FBXL4: variants seen among roughly 807,000 people sequenced by gnomAD.
The protein encoded by FBXL4 is F-box/LRR-repeat protein 4.
Under a neutral mutation model 58.9 loss-of-function variants are expected in FBXL4, and 40 were observed. The observed-to-expected ratio is 0.68, with a 90% confidence interval of 0.53 to 0.88. The LOEUF (loss-of-function observed/expected upper bound fraction) is 0.88. Among genes scored for constraint, FBXL4 ranks in the 40% least tolerant of loss-of-function variants. The pLI, the probability that FBXL4 is intolerant of heterozygous loss-of-function variation, is 0.00. For missense variants in FBXL4, 676 were observed against 734.4 expected, an observed-to-expected ratio of 0.92 and a Z score of 0.92; for synonymous variants, 263 against 265.5, an observed-to-expected ratio of 0.99 and a Z score of 0.09.
chr6:98,915,656 T>C (rs1772311441), intron 5 of FBXL4, among the ~76,000 whole-genome samples: 1 of 152,126 alleles, frequency 6.6e-6, no homozygotes, highest in Non-Finnish European at 1.5e-5. Context: ...TTACACCTTA[T>C]TCAAAAATTA....
chr6:98,921,934 C>G (rs1562242804), intron 4 of FBXL4, among the ~76,000 whole-genome samples: 1 of 152,082 alleles, frequency 6.6e-6, no homozygotes, highest in Non-Finnish European at 1.5e-5. Context: ...CCTGAGCTAG[C>G]CTATTTTCTG....
chr6:98,908,723 GTTTCT>G (rs1279393956), intron 5 of FBXL4, among the ~76,000 whole-genome samples: 1 of 151,302 alleles, frequency 6.6e-6, no homozygotes, highest in Non-Finnish European at 1.5e-5. Context: ...TTTTATTTGT[GTTTCT>G]TTTTTTTTTT....
intron 7 of FBXL4, chr6:98,898,942 A>C (rs1014521691): frequency 1.0e-6 from 1 of 985,292 alleles, no homozygotes; most frequent in African/African-American, 1.7e-5. Context: ...GTCCTCTTAC[A>C]TATTATCCTC....
intron 1 of FBXL4, among the ~76,000 whole-genome samples, chr6:98,941,798 CAAGTT>C (rs751495619): frequency 2.5e-4 from 38 of 152,148 alleles, no homozygotes; most frequent in Non-Finnish European, 4.4e-4. Flanking sequence ...GACAGGGAAA[CAAGTT>C]AAGCAATTAC....
rs551383257 is a variant in FBXL4, at chr6:98,943,594, A to C, written c.-309+4212T>G. The stretch of plus-strand genomic sequence containing the variant: ...GACTCTGTCTCAAAAAAAAAAAAAA[A>C]AAAAAAGAAGACAAACTTCCAAATT... On this transcript the variant is annotated intron_variant, in intron 1 of 9. Transcript: ENST00000369244. 5.6e-4 allele frequency among the ~76,000 whole-genome samples: 85 copies of C among 151,550 alleles called. 1 individual carries two copies. In the South Asian group the frequency reaches 0.01, roughly 18 times the overall value.
intron 4 of FBXL4, among the ~76,000 whole-genome samples, chr6:98,922,451 G>T (rs1254656948): frequency 2.6e-5 from 4 of 152,188 alleles, no homozygotes; most frequent in Admixed American, 6.5e-5. Flanking sequence ...ACTCCTAAGG[G>T]AGGGATATAA....
intron 7 of FBXL4, among the ~76,000 whole-genome samples, chr6:98,881,371 A>G (rs1226684814): frequency 6.6e-6 from 1 of 152,206 alleles, no homozygotes; most frequent in Non-Finnish European, 1.5e-5. Flanking sequence ...GAAAAACAAA[A>G]TAATGCAAAA....
At position 98,945,410 on chromosome 6, in the gene FBXL4, C is replaced by A. The variant is rs548912764; in HGVS notation, c.-309+2396G>T. On this transcript the variant is annotated intron_variant, in intron 1 of 9. Coordinates refer to ENST00000369244, the MANE Select transcript of FBXL4 (RefSeq NM_001278716.2). ...ATAGAAAATTATAGATGGTACACTGCCATTTATGAAACAAAAGTAGACTTA... is the reference window on the plus strand; with the variant it reads ...ATAGAAAATTATAGATGGTACACTGACATTTATGAAACAAAAGTAGACTTA... Among the ~76,000 whole-genome samples, 6 of 152,200 alleles carry A rather than the reference C, an allele frequency of 3.9e-5. No homozygotes were observed. In the South Asian group the frequency reaches 1.0e-3, roughly 26 times the overall value.
intron 6 of FBXL4, among the ~76,000 whole-genome samples, chr6:98,901,669 T>A (rs1003065166): frequency 2.0e-5 from 3 of 152,292 alleles, no homozygotes; most frequent in Admixed American, 6.5e-5. Context: ...AAATGTATAC[T>A]ACCTACCTTT....
intron 7 of FBXL4, among the ~76,000 whole-genome samples, chr6:98,892,099 T>C (rs926419000): frequency 1.3e-5 from 2 of 152,216 alleles, no homozygotes; most frequent in Admixed American, 6.5e-5. Context: ...TAGAGACACA[T>C]ACCAAGGACT....
At chr6:98,934,213 T>C (rs1179952021) in intron 2 of FBXL4, among the ~76,000 whole-genome samples, 1 of 152,182 alleles carries the variant, frequency 6.6e-6, no homozygotes, top group Non-Finnish European at 1.5e-5. Context: ...CAAATCTGTG[T>C]TAAAACAGTA....
intron 8 of FBXL4, 44 bp downstream of exon 8, chr6:98,880,507 AAG>A (rs1770813845): frequency 2.6e-6 from 4 of 1,520,800 alleles, no homozygotes; most frequent in Non-Finnish European, 3.7e-6. Flanking sequence ...TAGGAAGAAA[AAG>A]AGAACAAGTA....
At position 98,868,545 on chromosome 6, in the gene FBXL4, C is replaced by T. The variant is rs1425929956; in HGVS notation, c.*5733G>A. On this transcript the variant is annotated 3_prime_UTR_variant, in exon 10 of 10. Coordinates refer to ENST00000369244, the MANE Select transcript of FBXL4 (RefSeq NM_001278716.2). Reference sequence around the variant, plus strand: ...ATTTTGAAAGTGAACTAATGAGATACTCAAACTTATTTTATTACTCTAAAG... The same window carrying T: ...ATTTTGAAAGTGAACTAATGAGATATTCAAACTTATTTTATTACTCTAAAG... The T allele has an allele frequency of 1.3e-5, 2 of 152,068 alleles. No individual in the cohort carries two copies. Among genetic ancestry groups the T allele is most frequent in the African/African-American group, 2.4e-5 (1 of 41,414 alleles). 9.4% of individuals were successfully genotyped at this position (152,068 alleles called of 1,614,324 possible). A position where few individuals can be genotyped will look rare whatever the true frequency, so the allele number is the denominator to read the frequency against.
At chr6:98,927,241 C>T (rs1028442187) in intron 3 of FBXL4, among the ~76,000 whole-genome samples, 181 bp from the exon 4 acceptor site, 1 of 151,886 alleles carries the variant, frequency 6.6e-6, no homozygotes, top group African/African-American at 2.4e-5. Flanking sequence ...TTTTAAGAAA[C>T]CTAAATATTG....
At chr6:98,888,969 C>A (rs772157885) in intron 7 of FBXL4, among the ~76,000 whole-genome samples, 7 of 152,216 alleles carry the variant, frequency 4.6e-5, no homozygotes, top group Non-Finnish European at 8.8e-5. Flanking sequence ...ATTCGCCACA[C>A]ATAAGAAGCA....
chr6:98,947,677 G>T, intron 1 of FBXL4, 129 bp downstream of exon 1: 1 of 152,526 alleles, frequency 6.6e-6, no homozygotes, highest in South Asian at 2.0e-4. Flanking sequence ...GCGGGCAGCG[G>T]GGGCCTCTGC....
intron 1 of FBXL4, among the ~76,000 whole-genome samples, chr6:98,940,338 T>C (rs988395885): frequency 1.9e-4 from 29 of 152,204 alleles, no homozygotes. Context: ...GCTACATTGG[T>C]ATATCAATTC....
intron 5 of FBXL4, among the ~76,000 whole-genome samples, chr6:98,912,724 G>A (rs996116184): frequency 2.0e-5 from 3 of 151,704 alleles, no homozygotes; most frequent in Admixed American, 1.3e-4. Context: ...GCAAAATCAC[G>A]CCAAAATGTA....
At chr6:98,930,741 G>A (rs769507051) in intron 2 of FBXL4, among the ~76,000 whole-genome samples, 7 of 151,984 alleles carry the variant, frequency 4.6e-5, no homozygotes, top group Admixed American at 6.6e-5. Flanking sequence ...GCAAGACCCC[G>A]TCTCAAAAAC....
Sources: gnomAD v4.1 joint callset for allele counts (sites outside exome capture counted in the v4.1 genomes callset) on GRCh38, gnomAD v4.1.1 for gene constraint, MANE v1.5 for transcripts, NCBI Gene and HGNC (gene_info 2026-07-23, HGNC 2026-07-21) for gene names.